DDX6: variants seen among roughly 807,000 people sequenced by gnomAD.
The protein encoded by DDX6 is probable ATP-dependent RNA helicase DDX6.
Under a neutral mutation model 60.6 loss-of-function variants are expected in DDX6, and 7 were observed. That is an observed-to-expected ratio of 0.12 (90% CI 0.07 to 0.22). The LOEUF (loss-of-function observed/expected upper bound fraction) is 0.22, where lower values mean the gene tolerates loss of function less well. DDX6 is among the 10% of genes least tolerant of loss of function. The pLI, the probability that DDX6 is intolerant of heterozygous loss-of-function variation, is 1.00. For synonymous variants in DDX6, 207 were observed against 201.0 expected, an observed-to-expected ratio of 1.03 and a Z score of -0.25; for missense variants, 270 against 589.9, an observed-to-expected ratio of 0.46 and a Z score of 5.62.
chr11:118,786,929 T>C (rs1434073013), intron 1 of DDX6: 1 of 152,184 alleles, frequency 6.6e-6, no homozygotes, highest in Non-Finnish European at 1.5e-5. Context: ...AATTCATTAA[T>C]TTTCTTCTAC....
In DDX6 at chr11:118,751,073, A is replaced by ATATG. The variant is rs1351123523; in HGVS notation, c.*1031_*1032insCATA. On this transcript the variant is annotated 3_prime_UTR_variant, in exon 14 of 14. Coordinates refer to ENST00000534980, the MANE Select transcript of DDX6 (RefSeq NM_004397.6). Reference sequence around the variant, plus strand: ...AAAAAAAATATATATATATGTATATATATATATATATATGAACCCAGAAAA... The same window carrying ATATG: ...AAAAAAAATATATATATATGTATATATATGTATATATATATATGAACCCAGAAAA... 2.1e-5 allele frequency: 3 copies of ATATG among 140,860 alleles called. No individual in the cohort carries two copies. Among genetic ancestry groups the ATATG allele is most frequent in the African/African-American group, 7.9e-5 (3 of 38,034 alleles). 8.7% of individuals were successfully genotyped at this position (140,860 alleles called of 1,614,324 possible).
chr11:118,772,699 T>C (rs1861574339), intron 4 of DDX6, among the ~76,000 whole-genome samples: 1 of 152,172 alleles, frequency 6.6e-6, no homozygotes, highest in South Asian at 2.1e-4. Flanking sequence ...CCCACAAGCT[T>C]AGGGCTGACA....
Position 118,747,904 on chromosome 11 carries a change from C to G in DDX6, c.*4201G>C, listed in dbSNP as rs1321876708. ...AACACATCCCAACAAAAACAGAGCC[C>G]CCCCCCCCCCCACTGGAACATCTGC... On this transcript the variant is annotated 3_prime_UTR_variant, in exon 14 of 14. Transcript: ENST00000534980. 7.6e-4 allele frequency: 12 copies of G among 15,712 alleles called. No homozygotes were observed. The highest frequency in any genetic ancestry group is 2.8e-3 in the Admixed American group (3 of 1,074). The allele number at this position is 15,712 out of a possible 1,614,324, so 1.0% of individuals were successfully genotyped here. A position where few individuals can be genotyped will look rare whatever the true frequency, so the allele number is the denominator to read the frequency against.
intron 4 of DDX6, among the ~76,000 whole-genome samples, chr11:118,779,399 A>C (rs1177208387): frequency 6.6e-6 from 1 of 152,198 alleles, no homozygotes; most frequent in Non-Finnish European, 1.5e-5. Context: ...ATCAATGTTA[A>C]CTGAAGGTAA....
intron 7 of DDX6, among the ~76,000 whole-genome samples, chr11:118,760,299 T>G (rs1861120975): frequency 6.6e-6 from 1 of 152,078 alleles, no homozygotes; most frequent in South Asian, 2.1e-4. Flanking sequence ...TGTAACAGAA[T>G]TTAATTAATT....
chr11:118,757,782 G>GGT (rs1283871473), intron 9 of DDX6, among the ~76,000 whole-genome samples: 5 of 151,968 alleles, frequency 3.3e-5, no homozygotes, highest in Non-Finnish European at 7.4e-5. Context: ...GTAGAGACAG[G>GGT]GTTTCAGCCT....
chr11:118,773,647 C>A, intron 4 of DDX6, among the ~76,000 whole-genome samples: 1 of 151,730 alleles, frequency 6.6e-6, no homozygotes. Context: ...TACAAATGTC[C>A]CCTGCTTAAC....
chr11:118,766,646 G>A (rs1362120435), intron 5 of DDX6, among the ~76,000 whole-genome samples: 2 of 152,030 alleles, frequency 1.3e-5, no homozygotes, highest in Non-Finnish European at 2.9e-5. Flanking sequence ...AGGCTGAAGT[G>A]CAGTGGCTGC....
At chr11:118,758,249 T>G (rs2137428223) in intron 9 of DDX6, among the ~76,000 whole-genome samples, 1 of 152,324 alleles carries the variant, frequency 6.6e-6, no homozygotes. Context: ...TTAACCCTAG[T>G]TAAGGTCAAA....
intron 13 of DDX6, chr11:118,754,447 C>G: frequency 2.8e-6 from 1 of 359,988 alleles, no homozygotes; most frequent in Non-Finnish European, 5.0e-6. Flanking sequence ...TTTTTGCTTT[C>G]ATTATTTTAG....
At chr11:118,791,349 G>C (rs1862273579), upstream of DDX6, 1 of 152,030 alleles carries the variant, frequency 6.6e-6, no homozygotes, top group African/African-American at 2.4e-5. Flanking sequence ...GGCCGCGAAA[G>C]CTTCCTGAGG....
chr11:118,752,887 GAAA>G (rs1459360937), intron 13 of DDX6, among the ~76,000 whole-genome samples: 1 of 152,060 alleles, frequency 6.6e-6, no homozygotes, highest in East Asian at 1.9e-4. Flanking sequence ...CCAGGAGTTT[GAAA>G]CCAGCCGGGG....
At chr11:118,781,012 G>A (rs957452476) in intron 3 of DDX6, 109 bp downstream of exon 3, 10 of 671,836 alleles carry the variant, frequency 1.5e-5, no homozygotes, top group Non-Finnish European at 2.4e-5. Flanking sequence ...GAGGAGGGTG[G>A]CAGTGGTGTT....
chr11:118,760,672 T>G (rs1555159960), intron 7 of DDX6, among the ~76,000 whole-genome samples: 1 of 150,750 alleles, frequency 6.6e-6, no homozygotes. Context: ...AATACAAAAA[T>G]TAGCTGGACG....
intron 2 of DDX6, among the ~76,000 whole-genome samples, chr11:118,785,073 T>C (rs1260067601): frequency 6.6e-6 from 1 of 152,188 alleles, no homozygotes; most frequent in Non-Finnish European, 1.5e-5. Flanking sequence ...CGGACCTATA[T>C]GGCAAGTTCT....
intron 9 of DDX6, among the ~76,000 whole-genome samples, chr11:118,757,779 C>T (rs1354489281): frequency 6.6e-6 from 1 of 152,018 alleles, no homozygotes; most frequent in Non-Finnish European, 1.5e-5. Context: ...TTAGTAGAGA[C>T]AGGGTTTCAG....
chr11:118,787,393 C>T (rs996881385), intron 1 of DDX6: 2 of 152,158 alleles, frequency 1.3e-5, no homozygotes, highest in African/African-American at 4.8e-5. Flanking sequence ...TGCTTGAACC[C>T]AGGAGGCGGA....
At chr11:118,780,141 A>AG (rs1481663584) in intron 3 of DDX6, among the ~76,000 whole-genome samples, 1 of 143,576 alleles carries the variant, frequency 7.0e-6, no homozygotes, top group Non-Finnish European at 1.5e-5. Context: ...AAAAAAAAAA[A>AG]GGAAAGAAAA....
chr11:118,765,410 GCTATA>G, intron 5 of DDX6, 55 bp from the exon 6 acceptor site: 2 of 1,561,676 alleles, frequency 1.3e-6, no homozygotes, highest in Non-Finnish European at 1.8e-6. Flanking sequence ...GGGAGAACAT[GCTATA>G]CATCATTATT....
Sources: allele counts gnomAD v4.1 joint callset (sites outside exome capture counted in the v4.1 genomes callset), GRCh38; gene constraint gnomAD v4.1.1; transcripts MANE v1.5; gene names NCBI Gene and HGNC (gene_info 2026-07-23, HGNC 2026-07-21).